The following TRIM21 variants were observed in gnomAD, a reference collection of about 807,000 sequenced individuals.
TRIM21 encodes the protein E3 ubiquitin-protein ligase TRIM21.
Under a neutral mutation model 36.1 loss-of-function variants are expected in TRIM21, and 35 were observed. The ratio of observed to expected loss-of-function variants is 0.97; its 90% CI spans 0.74 to 1.28. TRIM21 has a LOEUF of 1.28. Among genes scored for constraint, TRIM21 ranks in the 50% most tolerant of loss-of-function variants. The pLI, the probability that TRIM21 is intolerant of heterozygous loss-of-function variation, is 0.00. For missense variants in TRIM21, 635 were observed against 570.7 expected (o/e 1.11, Z -1.15); for synonymous variants, 256 against 211.5 (o/e 1.21, Z -1.83).
In TRIM21 at chr11:4,385,176, G is replaced by C. The variant is rs953856740; in HGVS notation, c.*109C>G. ...GCTAAAGCTCGCTTGCTGGGATCCG[G>C]ATGCCTCTGCAGAGACAAAGGTGGT... On this transcript the variant is annotated 3_prime_UTR_variant, in exon 7 of 7. Coordinates refer to ENST00000254436, the MANE Select transcript of TRIM21 (RefSeq NM_003141.4). The C allele has an allele frequency of 4.7e-6, 5 of 1,069,932 alleles. No individual in the cohort carries two copies. Among genetic ancestry groups the C allele is most frequent in the Non-Finnish European group, 6.6e-6 (5 of 755,756 alleles). The allele number at this position is 1,069,932 out of a possible 1,614,324, so 66.3% of individuals were successfully genotyped here.
rs1201929889 is a variant in TRIM21, at chr11:4,385,821, G to T, written c.892C>A (p.Pro298Thr). ...CGATCTTCTGAAAGTATCAGCCACG[G>T]ATTGGCTGTGTCTGGATCCAGAGTG... is the stretch of plus-strand genomic sequence containing the variant. ...HITLDPDTAN[P>T]WLILSEDRRQ... is the part of the protein sequence containing the mutation. Residue 298 changes from proline (P) to threonine (T), a missense_variant, in exon 7 of 7, where the codon CCG becomes ACG. Pro to Thr is a conservative substitution (Grantham distance 38). Transcript: ENST00000254436. The T allele has an allele frequency of 1.2e-6, 2 of 1,612,550 alleles. No homozygotes were observed. The highest frequency in any genetic ancestry group is 1.7e-6 in the Non-Finnish European group (2 of 1,179,256).
chr11:4,386,264 G>C lies in TRIM21; in HGVS notation c.759-7C>G, dbSNP rs754895445. On this transcript the variant is annotated splice_region_variant and splice_polypyrimidine_tract_variant and intron_variant, in intron 5 of 6. Transcript: ENST00000254436. ...CAGGTTCCAGGACTCACTCCTGGGG[G>C]AAAGAGAGTTTGAGACTCCTGTCTC... 1.2e-6 allele frequency: 2 copies of C among 1,609,694 alleles called. No individual in the cohort carries two copies. Among genetic ancestry groups the C allele is most frequent in the Non-Finnish European group, 1.7e-6 (2 of 1,176,214 alleles).
chr11:4,388,666 C>T (rs1385915943), intron 3 of TRIM21, 136 bp from the exon 4 acceptor site: 7 of 758,700 alleles, frequency 9.2e-6, no homozygotes, highest in East Asian at 5.0e-5. Flanking sequence ...CACATGCACA[C>T]GCACACGCGC....
chr11:4,387,050 G>C, intron 4 of TRIM21, 60 bp from the exon 5 acceptor site: 2 of 1,512,652 alleles, frequency 1.3e-6, no homozygotes, highest in South Asian at 1.2e-5. Context: ...TGAGACATCA[G>C]CCCTGTGGGT....
chr11:4,386,323 C>G, intron 5 of TRIM21, 66 bp from the exon 6 acceptor site: 1 of 1,314,988 alleles, frequency 7.6e-7, no homozygotes, highest in Non-Finnish European at 1.1e-6. Context: ...ACTATAACCT[C>G]CATTGTGGAG....
intron 1 of TRIM21, 48 bp downstream of exon 1, chr11:4,393,585 G>A (rs1428240075): frequency 1.3e-5 from 2 of 152,474 alleles, no homozygotes; most frequent in Non-Finnish European, 2.9e-5. Flanking sequence ...AGGGGAGAGA[G>A]GTCCCCTAGG....
At chr11:4,390,666 C>T (rs1201734828) in intron 1 of TRIM21, among the ~76,000 whole-genome samples, 2 of 152,190 alleles carry the variant, frequency 1.3e-5, no homozygotes, top group African/African-American at 2.4e-5. Context: ...ATCACATCAT[C>T]TGACGTCAAA....
chr11:4,387,640 A>G (rs1183364343), intron 4 of TRIM21, among the ~76,000 whole-genome samples: 1 of 152,026 alleles, frequency 6.6e-6, no homozygotes, highest in African/African-American at 2.4e-5. Context: ...CAGATCACCT[A>G]CGGTTGGGAG....
In TRIM21 at chr11:4,384,955, A is replaced by G; in HGVS notation, c.*330T>C. The G allele has an allele frequency of 3.6e-6, 1 of 278,262 alleles. No homozygotes were observed. Among genetic ancestry groups the G allele is most frequent in the Non-Finnish European group, 6.7e-6 (1 of 149,188 alleles). 17.2% of individuals were successfully genotyped at this position (278,262 alleles called of 1,614,324 possible). On this transcript the variant is annotated 3_prime_UTR_variant, in exon 7 of 7. Transcript: ENST00000254436. ...GAAGCCCTTTTGCAAACCATACAAG[A>G]TATAATAGAGATCTCACCAAAGACG...
intron 5 of TRIM21, 185 bp from the exon 6 acceptor site, chr11:4,386,442 TTCC>T: frequency 1.5e-6 from 1 of 653,432 alleles, no homozygotes; most frequent in Admixed American, 2.2e-5. Flanking sequence ...TACCCAGGAG[TTCC>T]TGGTTATAGG....
At position 4,389,718 on chromosome 11, in the gene TRIM21, C is replaced by A; in HGVS notation, c.440G>T (p.Arg147Ile). The change falls in exon 3 of 7, where the codon AGA becomes ATA. Residue 147 changes from arginine (R) to isoleucine (I), a missense_variant. Physicochemically the swap from Arg to Ile is moderately conservative, Grantham distance 97. Coordinates refer to ENST00000254436, the MANE Select transcript of TRIM21 (RefSeq NM_003141.4). ...EKLQVALGEL[R>I]RKQELAEKLE... Reference sequence around the variant, plus strand: ...CTTCTCAGCCAACTCCTGCTTTCTTCTCAGTTCCCCTAATGCCACCTGGAG... The same window carrying A: ...CTTCTCAGCCAACTCCTGCTTTCTTATCAGTTCCCCTAATGCCACCTGGAG... The A allele has an allele frequency of 6.2e-7, 1 of 1,614,022 alleles. No homozygotes were observed. Among genetic ancestry groups the A allele is most frequent in the Non-Finnish European group, 8.5e-7 (1 of 1,179,892 alleles).
chr11:4,386,086 C>T, intron 6 of TRIM21, 71 bp downstream of exon 6: 4 of 1,459,650 alleles, frequency 2.7e-6, no homozygotes, highest in Non-Finnish European at 1.9e-6. Flanking sequence ...TCCAAGTTGC[C>T]ATCCAGGCTC....
At chr11:4,389,119 T>A (rs1285807730) in intron 3 of TRIM21, among the ~76,000 whole-genome samples, 1 of 152,170 alleles carries the variant, frequency 6.6e-6, no homozygotes, top group Admixed American at 6.5e-5. Flanking sequence ...GATGGGCTCC[T>A]TCTTCTCCCC....
At position 4,385,239 on chromosome 11, in the gene TRIM21, G is replaced by T; in HGVS notation, c.*46C>A. ...GGGAAAAGAGGCAGGGTTTGTGGCT[G>T]AGAAGCGGTGCCAATGGGGAGAGTG... On this transcript the variant is annotated 3_prime_UTR_variant, in exon 7 of 7. Transcript: ENST00000254436. 1 of 1,543,494 alleles carries T rather than the reference G, an allele frequency of 6.5e-7. No individual in the cohort carries two copies. The highest frequency in any genetic ancestry group is 2.3e-5 in the East Asian group (1 of 44,152).
At chr11:4,393,438 C>T (rs2094965531) in intron 1 of TRIM21, among the ~76,000 whole-genome samples, 195 bp downstream of exon 1, 1 of 152,156 alleles carries the variant, frequency 6.6e-6, no homozygotes. Flanking sequence ...GTCAGGTCCA[C>T]ACCCCAGCCT....
At position 4,390,185 on chromosome 11, in the gene TRIM21, G is replaced by A. The variant is rs2094961417; in HGVS notation, c.225C>T (p.Asn75=). The A allele has an allele frequency of 1.9e-6, 3 of 1,613,992 alleles. No individual in the cohort carries two copies. The highest frequency in any genetic ancestry group is 2.2e-5 in the East Asian group (1 of 44,878). ...PNRQLANMVN[N]LKEISQEARE... ...TGGCCTCCTGGCTGATTTCTTTAAGGTTGTTCACCATGTTGGCTAGCTGTC... is the reference window on the plus strand; with the variant it reads ...TGGCCTCCTGGCTGATTTCTTTAAGATTGTTCACCATGTTGGCTAGCTGTC... The change falls in exon 2 of 7, where the codon AAC becomes AAT. Residue 75 remains asparagine, a synonymous_variant. Transcript: ENST00000254436.
intron 6 of TRIM21, 27 bp from the exon 7 acceptor site, chr11:4,385,880 C>CT: frequency 6.4e-7 from 1 of 1,572,998 alleles, no homozygotes; most frequent in Non-Finnish European, 8.6e-7. Context: ...ACAGTCAGGC[C>CT]TTGCATGGGG....
chr11:4,390,720 AT>A, intron 1 of TRIM21, among the ~76,000 whole-genome samples: 1 of 152,346 alleles, frequency 6.6e-6, no homozygotes, highest in South Asian at 2.1e-4. Context: ...TGGTACTGGC[AT>A]AAAAACAGAC....
intron 3 of TRIM21, among the ~76,000 whole-genome samples, chr11:4,389,348 T>C (rs138109915): frequency 6.6e-6 from 1 of 152,350 alleles, no homozygotes; most frequent in African/African-American, 2.4e-5. Flanking sequence ...ATCCAGGTGC[T>C]GACGCCATCA....
Sources: gnomAD v4.1 joint callset for allele counts (sites outside exome capture counted in the v4.1 genomes callset) on GRCh38, gnomAD v4.1.1 for gene constraint, MANE v1.5 for transcripts, NCBI Gene and HGNC (gene_info 2026-07-23, HGNC 2026-07-21) for gene names.